The following USF2 variants were observed in gnomAD, a reference collection of about 807,000 sequenced individuals.
The protein encoded by USF2 is upstream stimulatory factor 2.
A neutral mutation model predicts 46.9 loss-of-function variants in USF2; 16 were observed. The observed-to-expected ratio is 0.34, with a 90% CI of 0.23 to 0.52. The LOEUF (loss-of-function observed/expected upper bound fraction) is 0.52. USF2 is among the 20% of genes least tolerant of loss of function. The pLI is 0.96. For synonymous variants in USF2, 239 were observed against 194.1 expected (o/e 1.23, Z -1.92); for missense variants, 411 against 474.0 (o/e 0.87, Z 1.23).
intron 5 of USF2, 46 bp downstream of exon 5, chr19:35,270,643 C>A: frequency 6.2e-7 from 1 of 1,611,768 alleles, no homozygotes. Context: ...GCAACGGGCC[C>A]AGCAGGGAGG....
At chr19:35,276,178 T>G (rs2066231443) in intron 7 of USF2, among the ~76,000 whole-genome samples, 1 of 148,848 alleles carries the variant, frequency 6.7e-6, no homozygotes, top group African/African-American at 2.5e-5. Flanking sequence ...TTCAAGCAAT[T>G]CTCGTGCTTC....
rs1218000182 is a variant in USF2, at chr19:35,271,109, G to A, written c.695G>A (p.Arg232Gln). 2.5e-6 allele frequency: 4 copies of A among 1,613,594 alleles called. No individual in the cohort carries two copies. Among genetic ancestry groups the A allele is most frequent in the Non-Finnish European group, 3.4e-6 (4 of 1,179,968 alleles). Residue 232 changes from arginine (R) to glutamine (Q), a missense_variant, in exon 7 of 10, where the codon CGA (arginine) becomes CAA (glutamine). This residue lies in a region of USF2 where 318 missense variants were observed against 322.4 expected (regional missense o/e 0.99). Transcript: ENST00000222305. Reference sequence around the variant, plus strand: ...AAAATTGATGGAACCAGAACACCCCGAGATGAGAGGAGAAGAGCCCAGCAC... The same window carrying A: ...AAAATTGATGGAACCAGAACACCCCAAGATGAGAGGAGAAGAGCCCAGCAC... ...SPKIDGTRTP[R>Q]DERRRAQHNE...
At position 35,279,656 on chromosome 19, in the gene USF2, T is replaced by C. The variant is rs1425542595; in HGVS notation, c.*400T>C. ...GGGGGCCACCCGGGGCCTGGACCTA[T>C]GCAGGGAGGCCACGTCCCACCCCAC... is the stretch of plus-strand genomic sequence containing the variant. On this transcript the variant is annotated 3_prime_UTR_variant, in exon 10 of 10. Coordinates refer to ENST00000222305, the MANE Select transcript of USF2 (RefSeq NM_003367.4). 9 of 216,398 alleles carry C rather than the reference T, an allele frequency of 4.2e-5. No individual in the cohort carries two copies. Among genetic ancestry groups the C allele is most frequent in the Non-Finnish European group, 6.3e-5 (7 of 110,602 alleles). The allele number at this position is 216,398 out of a possible 1,614,324, so 13.4% of individuals were successfully genotyped here.
intron 5 of USF2, 56 bp downstream of exon 5, chr19:35,270,653 G>A: frequency 6.2e-7 from 1 of 1,611,648 alleles, no homozygotes; most frequent in African/African-American, 1.3e-5. Context: ...CAGCAGGGAG[G>A]GAAGCCCCCC....
chr19:35,272,136 G>A (rs1453232664), intron 7 of USF2, among the ~76,000 whole-genome samples: 3 of 152,268 alleles, frequency 2.0e-5, no homozygotes, highest in South Asian at 4.1e-4. Flanking sequence ...GAGTTCAGGC[G>A]TTCATTCAGC....
intron 7 of USF2, among the ~76,000 whole-genome samples, chr19:35,274,344 C>T (rs2066202210): frequency 6.6e-6 from 1 of 152,194 alleles, no homozygotes; most frequent in Non-Finnish European, 1.5e-5. Flanking sequence ...GCCACAAACC[C>T]CAAGTTTCTC....
rs1265845547 is a variant in USF2, at chr19:35,279,056, C to T, written c.933C>T (p.Asn311=). ...AGGCCGAGCGGCTGCAGATGGACAA[C>T]GAGCTCCTGAGGCAGCAGGTGGGTG... is the stretch of plus-strand genomic sequence containing the variant. ...FKEAERLQMD[N]ELLRQQIEEL... Residue 311 remains asparagine (N), a synonymous_variant, in exon 9 of 10, where the codon AAC becomes AAT. Coordinates refer to ENST00000222305, the MANE Select transcript of USF2 (RefSeq NM_003367.4). The T allele has an allele frequency of 3.1e-6, 5 of 1,600,342 alleles. No individual in the cohort carries two copies. The highest frequency in any genetic ancestry group is 2.2e-5 in the East Asian group (1 of 44,678).
chr19:35,269,483 C>T lies in USF2; in HGVS notation c.100C>T (p.Leu34=). 1 of 1,553,306 alleles carries T rather than the reference C, an allele frequency of 6.4e-7. No homozygotes were observed. The highest frequency in any genetic ancestry group is 8.6e-7 in the Non-Finnish European group (1 of 1,156,588). Residue 34 remains leucine (L), a synonymous_variant, in exon 2 of 10, where the codon CTG becomes TTG. Coordinates refer to ENST00000222305, the MANE Select transcript of USF2 (RefSeq NM_003367.4). ...KGPEAEEGVE[L]QEGGDGPGAE... ...ACCCGAGGCGGAGGAGGGCGTCGAG[C>T]TGCAGGAAGGTGAGTGCTTGCCGGG...
At position 35,269,482 on chromosome 19, in the gene USF2, G is replaced by A. The variant is rs906440286; in HGVS notation, c.99G>A (p.Glu33=). 2 of 1,552,706 alleles carry A rather than the reference G, an allele frequency of 1.3e-6. No homozygotes were observed. Among genetic ancestry groups the A allele is most frequent in the Non-Finnish European group, 1.7e-6 (2 of 1,156,372 alleles). ...DKGPEAEEGV[E]LQEGGDGPGA... is the part of the protein sequence containing the mutation. ...GACCCGAGGCGGAGGAGGGCGTCGAGCTGCAGGAAGGTGAGTGCTTGCCGG... is the reference window on the plus strand; with the variant it reads ...GACCCGAGGCGGAGGAGGGCGTCGAACTGCAGGAAGGTGAGTGCTTGCCGG... Residue 33 remains glutamate, a synonymous_variant, in exon 2 of 10, where the codon GAG becomes GAA. Coordinates refer to ENST00000222305, the MANE Select transcript of USF2 (RefSeq NM_003367.4).
intron 7 of USF2, chr19:35,278,052 G>A (rs891793050): frequency 5.9e-5 from 9 of 152,310 alleles, no homozygotes; most frequent in Admixed American, 5.9e-4. Context: ...TAGGATTTGG[G>A]TCTTTCCTGG....
At chr19:35,270,360 A>G (rs1409278845) in intron 4 of USF2, 87 bp from the exon 5 acceptor site, 1 of 1,533,336 alleles carries the variant, frequency 6.5e-7, no homozygotes, top group Non-Finnish European at 8.8e-7. Context: ...ATTGCAGAGA[A>G]TGCAGTAAAC....
chr19:35,270,084 G>A (rs1330827909), intron 4 of USF2, 81 bp downstream of exon 4: 6 of 1,321,048 alleles, frequency 4.5e-6, no homozygotes, highest in African/African-American at 1.5e-5. Context: ...AGCCCCGGGG[G>A]TGGGGCAGGT....
In USF2 at chr19:35,278,694, G is replaced by A. The variant is rs761958909; in HGVS notation, c.728-4G>A. 34 of 1,614,110 alleles carry A rather than the reference G, an allele frequency of 2.1e-5. No homozygotes were observed. The East Asian group carries it at 2.2e-4, about 11-fold the overall frequency. ...AGCCGTGGCTGTGACTCTGTTTTCC[G>A]CAGTGGAGCGGAGGCGGAGGGACAA... On this transcript the variant is annotated splice_region_variant and splice_polypyrimidine_tract_variant and intron_variant, in intron 7 of 9. Transcript: ENST00000222305.
intron 7 of USF2, chr19:35,274,994 T>C (rs549661268): frequency 6.6e-6 from 1 of 152,376 alleles, no homozygotes; most frequent in East Asian, 1.9e-4. Flanking sequence ...TAGATTGCTT[T>C]TTCCGTTTCA....
Position 35,269,461 on chromosome 19 carries a change from C to T in USF2, c.78C>T (p.Pro26=), listed in dbSNP as rs1187488098. 7 of 1,545,270 alleles carry T rather than the reference C, an allele frequency of 4.5e-6. No homozygotes were observed. Among genetic ancestry groups the T allele is most frequent in the South Asian group, 3.6e-5 (3 of 84,152 alleles). Residue 26 remains proline, a synonymous_variant, in exon 2 of 10, where the codon CCC becomes CCT. Coordinates refer to ENST00000222305, the MANE Select transcript of USF2 (RefSeq NM_003367.4). ...CCCCTGGCAGCCACGACAAGGGACCCGAGGCGGAGGAGGGCGTCGAGCTGC... is the reference window on the plus strand; with the variant it reads ...CCCCTGGCAGCCACGACAAGGGACCTGAGGCGGAGGAGGGCGTCGAGCTGC... ...AAAAASHDKG[P]EAEEGVELQE...
rs1356609371 is a variant in USF2, at chr19:35,269,820, C to T, written c.246C>T (p.Val82=). The T allele has an allele frequency of 8.8e-6, 13 of 1,481,410 alleles. No homozygotes were observed. Among genetic ancestry groups the T allele is most frequent in the African/African-American group, 1.5e-5 (1 of 67,626 alleles). The allele number at this position is 1,481,410 out of a possible 1,614,324, so 91.8% of individuals were successfully genotyped here. ...CCCTGCAGGTGACATACCGCGTAGT[C>T]CAGGTGACTGATGGTCAGCTGGACG... ...TNGGQVTYRV[V]QVTDGQLDGQ... is the part of the protein sequence containing the mutation. The change falls in exon 4 of 10, where the codon GTC becomes GTT. Residue 82 remains valine, a synonymous_variant. Coordinates refer to ENST00000222305, the MANE Select transcript of USF2 (RefSeq NM_003367.4).
At chr19:35,273,545 T>G (rs554977022) in intron 7 of USF2, among the ~76,000 whole-genome samples, 1 of 152,282 alleles carries the variant, frequency 6.6e-6, no homozygotes, top group Admixed American at 6.5e-5. Flanking sequence ...CTTGAGAAAC[T>G]GCTTTGGCTG....
intron 7 of USF2, among the ~76,000 whole-genome samples, chr19:35,271,719 A>G (rs933337695): frequency 3.9e-5 from 6 of 152,220 alleles, no homozygotes; most frequent in Non-Finnish European, 7.3e-5. Flanking sequence ...TGGGCACAGC[A>G]CTGTGCAAGT....
intron 7 of USF2, chr19:35,278,046 A>G (rs10405246): frequency 0.21 from 31,678 of 152,184 alleles, 3,486 homozygotes; most frequent in Middle Eastern, 0.24. Context: ...TCAACATAGG[A>G]TTTGGGTCTT....
Sources: allele counts gnomAD v4.1 joint callset (sites outside exome capture counted in the v4.1 genomes callset), GRCh38; gene constraint gnomAD v4.1.1; regional missense constraint gnomAD v4.1.1; transcripts MANE v1.5; gene names NCBI Gene and HGNC (gene_info 2026-07-23, HGNC 2026-07-21).